PHF21A: variants seen among roughly 807,000 people sequenced by gnomAD.
PHF21A encodes the protein BHC80a.
Under a neutral mutation model 82.5 loss-of-function variants are expected in PHF21A, and 11 were observed. The observed-to-expected ratio is 0.13, with a 90% CI of 0.08 to 0.22. The LOEUF (loss-of-function observed/expected upper bound fraction) is 0.22. Among genes scored for constraint, PHF21A ranks in the 10% least tolerant of loss-of-function variants. The pLI is 1.00. For missense variants in PHF21A, 579 were observed against 837.8 expected (o/e 0.69, Z 3.81); for synonymous variants, 297 against 302.8 (o/e 0.98, Z 0.20).
intron 6 of PHF21A, among the ~76,000 whole-genome samples, chr11:46,044,079 A>T (rs1394812495): frequency 6.6e-6 from 1 of 152,178 alleles, no homozygotes; most frequent in Non-Finnish European, 1.5e-5. Context: ...TACATTTGAG[A>T]AGATGGTAAA....
At chr11:46,065,800 G>T (rs1478807481) in intron 6 of PHF21A, among the ~76,000 whole-genome samples, 6 of 152,134 alleles carry the variant, frequency 3.9e-5, no homozygotes, top group African/African-American at 1.4e-4. Flanking sequence ...AAGGGTGAAG[G>T]GATCACAGTT....
chr11:46,074,445 G>A (rs576997474), intron 6 of PHF21A, among the ~76,000 whole-genome samples: 1 of 141,112 alleles, frequency 7.1e-6, no homozygotes, highest in East Asian at 2.0e-4. Flanking sequence ...CAGAGGATAA[G>A]TGGCTCTTTT....
At chr11:46,037,359 C>T (rs994377034) in intron 6 of PHF21A, among the ~76,000 whole-genome samples, 7 of 152,080 alleles carry the variant, frequency 4.6e-5, no homozygotes, top group East Asian at 3.9e-4. Context: ...ATGGAGTGCT[C>T]GGCCTGGCAC....
chr11:46,043,894 A>C (rs763340232), intron 6 of PHF21A, among the ~76,000 whole-genome samples: 7 of 152,318 alleles, frequency 4.6e-5, no homozygotes, highest in Admixed American at 1.3e-4. Flanking sequence ...GTGAGTGCAG[A>C]AAACAGTAAA....
intron 6 of PHF21A, among the ~76,000 whole-genome samples, chr11:46,025,198 A>AC (rs1159293672): frequency 6.6e-6 from 1 of 152,122 alleles, no homozygotes; most frequent in Non-Finnish European, 1.5e-5. Flanking sequence ...TAAAAAAAAA[A>AC]AACAACTTTT....
intron 16 of PHF21A, among the ~76,000 whole-genome samples, chr11:45,937,126 C>T (rs146922729): frequency 4.1e-4 from 62 of 152,336 alleles, no homozygotes; most frequent in Middle Eastern, 3.4e-3. Flanking sequence ...GCACCACAGG[C>T]TGCAGGATGA....
Position 45,935,441 on chromosome 11 carries a change from C to A in PHF21A, c.1788+195G>T, listed in dbSNP as rs996384096. On this transcript the variant is annotated intron_variant, in intron 18 of 18. Transcript: ENST00000676320. ...GATGTTACAGAGCTTGGGTAAGGCA[C>A]CACCTACCAACTGGCCGCCTGTACC... 1.2e-5 allele frequency: 8 copies of A among 657,100 alleles called. No individual in the cohort carries two copies. The Admixed American group carries it at 1.9e-4, about 15-fold the overall frequency. 40.7% of individuals were successfully genotyped at this position (657,100 alleles called of 1,614,324 possible).
At chr11:46,116,005 TAAAGGGGGCAATTTCA>T (rs1169893259) in intron 1 of PHF21A, among the ~76,000 whole-genome samples, 2 of 152,276 alleles carry the variant, frequency 1.3e-5, no homozygotes, top group East Asian at 3.9e-4. Context: ...ATTTACTTTC[TAAAGGGGGCAATTTCA>T]AAAGAATAGT....
intron 6 of PHF21A, among the ~76,000 whole-genome samples, chr11:46,064,442 G>A (rs1269447711): frequency 1.3e-5 from 2 of 152,152 alleles, no homozygotes; most frequent in East Asian, 3.8e-4. Flanking sequence ...ATAGAGCTAG[G>A]ATGAGAGAGG....
chr11:45,951,839 C>T (rs1383090915), intron 11 of PHF21A, among the ~76,000 whole-genome samples: 1 of 144,854 alleles, frequency 6.9e-6, no homozygotes, highest in Non-Finnish European at 1.5e-5. Flanking sequence ...CGGAGTCTCA[C>T]TCTGTCACCC....
At chr11:45,998,990 C>CTAA (rs1254247188) in intron 6 of PHF21A, among the ~76,000 whole-genome samples, 3 of 151,860 alleles carry the variant, frequency 2.0e-5, no homozygotes, top group Non-Finnish European at 4.4e-5. Context: ...CCACGCCTGG[C>CTAA]TAATTTTTAT....
rs187755711 is a variant in PHF21A, at chr11:46,032,383, C to A, written c.153+44371G>T. 7.4e-3 allele frequency among the ~76,000 whole-genome samples: 1,127 copies of A among 152,104 alleles called. 11 individuals are homozygous for A. The highest frequency in any genetic ancestry group is 0.011 in the Non-Finnish European group (748 of 67,972). ...CTGCATAGTGTGCTACCATGTCCTT[C>A]GTTTATTTAATAATATGTCACGAAT... On this transcript the variant is annotated intron_variant, in intron 6 of 18. Transcript: ENST00000676320.
intron 6 of PHF21A, among the ~76,000 whole-genome samples, chr11:46,067,669 CA>C (rs1381735478): frequency 1.3e-5 from 2 of 151,298 alleles, no homozygotes; most frequent in African/African-American, 4.9e-5. Flanking sequence ...TTGGTAGGGA[CA>C]TCCTTGGCCA....
At chr11:46,108,366 T>C (rs2097174470) in intron 1 of PHF21A, among the ~76,000 whole-genome samples, 1 of 151,968 alleles carries the variant, frequency 6.6e-6, no homozygotes, top group African/African-American at 2.4e-5. Flanking sequence ...TCCTAAAGCA[T>C]GAGGTACAAT....
chr11:46,115,102 CA>C (rs774952477), intron 1 of PHF21A, among the ~76,000 whole-genome samples: 6 of 152,116 alleles, frequency 3.9e-5, no homozygotes, highest in Non-Finnish European at 8.8e-5. Context: ...ATATTTTCAC[CA>C]AAGTCTTTTT....
chr11:45,955,028 A>G (rs1165320922), intron 10 of PHF21A, among the ~76,000 whole-genome samples: 1 of 152,228 alleles, frequency 6.6e-6, no homozygotes. Context: ...CATCTGCCTT[A>G]TCAATACTGT....
intron 6 of PHF21A, among the ~76,000 whole-genome samples, chr11:46,044,303 GA>G (rs199654625): frequency 2.0e-4 from 30 of 150,032 alleles, no homozygotes; most frequent in Admixed American, 1.1e-3. Context: ...AAATGAGCAG[GA>G]AAAAAAAAGA....
At chr11:46,019,082 A>T (rs925990226) in intron 6 of PHF21A, among the ~76,000 whole-genome samples, 7 of 145,284 alleles carry the variant, frequency 4.8e-5, no homozygotes, top group African/African-American at 1.8e-4. Context: ...GCCTAATCTA[A>T]TTTTTTTTTT....
intron 14 of PHF21A, 139 bp from the exon 15 acceptor site, chr11:45,946,142 C>T: frequency 6.3e-7 from 1 of 1,596,336 alleles, no homozygotes; most frequent in Non-Finnish European, 8.6e-7. Context: ...AAGGTTAATT[C>T]AACAGTCCCA....
Sources: allele counts gnomAD v4.1 joint callset (sites outside exome capture counted in the v4.1 genomes callset), GRCh38; gene constraint gnomAD v4.1.1; transcripts MANE v1.5; gene names NCBI Gene and HGNC (gene_info 2026-07-23, HGNC 2026-07-21).